Variants in PID1 observed in about 807,000 individuals in gnomAD.
PID1 encodes the protein PTB-containing, cubilin and LRP1-interacting protein.
PID1 carries 10 observed loss-of-function variants against 19.1 expected under a neutral mutation model. The ratio of observed to expected loss-of-function variants is 0.52; its 90% CI spans 0.32 to 0.89. The LOEUF (loss-of-function observed/expected upper bound fraction) is 0.89, where lower values mean the gene tolerates loss of function less well. PID1 is among the 40% of genes least tolerant of loss of function. The pLI is 0.03. For missense variants in PID1, 248 were observed against 285.3 expected, an observed-to-expected ratio of 0.87 and a Z score of 0.94; for synonymous variants, 130 against 116.0, an observed-to-expected ratio of 1.12 and a Z score of -0.78.
At chr2:229,089,948 C>T (rs1694838234) in intron 2 of PID1, among the ~76,000 whole-genome samples, 1 of 152,126 alleles carries the variant, frequency 6.6e-6, no homozygotes, top group South Asian at 2.1e-4. Context: ...ATGATTGTGG[C>T]CTGTGGTTTT....
At chr2:229,252,611 A>T (rs1436793500) in intron 1 of PID1, among the ~76,000 whole-genome samples, 2 of 152,182 alleles carry the variant, frequency 1.3e-5, no homozygotes, top group Non-Finnish European at 2.9e-5. Context: ...GAGGAGACAT[A>T]AATTAGTAGG....
At chr2:229,228,115 A>C in intron 1 of PID1, 1 of 449,500 alleles carries the variant, frequency 2.2e-6, no homozygotes, top group Non-Finnish European at 4.5e-6. Flanking sequence ...ACCAAATCCA[A>C]GAGAATCGAG....
chr2:229,112,911 A>C (rs906079862), intron 2 of PID1, among the ~76,000 whole-genome samples: 2 of 152,130 alleles, frequency 1.3e-5, no homozygotes, highest in African/African-American at 4.8e-5. Context: ...GTCATGAACA[A>C]TGTTTTCATT....
chr2:229,123,986 G>A (rs1164086550), intron 2 of PID1, among the ~76,000 whole-genome samples: 1 of 152,102 alleles, frequency 6.6e-6, no homozygotes, highest in Non-Finnish European at 1.5e-5. Flanking sequence ...GCTGGGTAAT[G>A]AACCTGCTTT....
chr2:229,135,334 T>C (rs186137754), intron 2 of PID1, among the ~76,000 whole-genome samples: 180 of 152,304 alleles, frequency 1.2e-3, no homozygotes, highest in African/African-American at 4.0e-3. Context: ...TGAAATGGCA[T>C]GTAAAAGTAA....
At chr2:229,057,122 C>A (rs1446985205) in intron 2 of PID1, among the ~76,000 whole-genome samples, 1 of 151,946 alleles carries the variant, frequency 6.6e-6, no homozygotes, top group African/African-American at 2.4e-5. Flanking sequence ...TCCACAACAA[C>A]CTAGAAGAAC....
At chr2:229,073,773 G>A (rs542129658) in intron 2 of PID1, among the ~76,000 whole-genome samples, 1 of 152,254 alleles carries the variant, frequency 6.6e-6, no homozygotes, top group Non-Finnish European at 1.5e-5. Flanking sequence ...TTCTCATTTA[G>A]GGCAATTATG....
At chr2:229,102,706 A>G (rs1695098328) in intron 2 of PID1, among the ~76,000 whole-genome samples, 1 of 152,204 alleles carries the variant, frequency 6.6e-6, no homozygotes, top group East Asian at 1.9e-4. Flanking sequence ...AGGTCCTGTT[A>G]TAGATGGCAA....
At chr2:229,067,031 G>A (rs1194742878) in intron 2 of PID1, among the ~76,000 whole-genome samples, 1 of 152,172 alleles carries the variant, frequency 6.6e-6, no homozygotes, top group African/African-American at 2.4e-5. Flanking sequence ...TTGATTCACA[G>A]TTCTGCAGGG....
chr2:229,085,846 G>A (rs1312124031), intron 2 of PID1, among the ~76,000 whole-genome samples: 2 of 152,074 alleles, frequency 1.3e-5, no homozygotes, highest in African/African-American at 2.4e-5. Flanking sequence ...ACTTGAAACT[G>A]CTGGGAGCAT....
chr2:229,238,052 T>G (rs1267206480), intron 1 of PID1, among the ~76,000 whole-genome samples: 1 of 152,232 alleles, frequency 6.6e-6, no homozygotes. Context: ...TGTTAAAATA[T>G]GACCCCATTA....
chr2:229,044,889 T>A (rs549557022), intron 2 of PID1, among the ~76,000 whole-genome samples: 1 of 152,298 alleles, frequency 6.6e-6, no homozygotes, highest in South Asian at 2.1e-4. Context: ...TAATTCTCCT[T>A]AACGTCCAAC....
chr2:229,048,794 G>C (rs983981305), intron 2 of PID1, among the ~76,000 whole-genome samples: 11 of 151,990 alleles, frequency 7.2e-5, no homozygotes, highest in African/African-American at 2.7e-4. Context: ...TCCCAGACTC[G>C]AGTTTATGGA....
chr2:229,238,284 G>A (rs904702710), intron 1 of PID1, among the ~76,000 whole-genome samples: 14 of 152,080 alleles, frequency 9.2e-5, no homozygotes, highest in African/African-American at 2.9e-4. Flanking sequence ...GACTTCATTC[G>A]AGCATGAATT....
At chr2:229,154,170 T>G (rs777815040) in intron 2 of PID1, among the ~76,000 whole-genome samples, 1 of 152,130 alleles carries the variant, frequency 6.6e-6, no homozygotes, top group Non-Finnish European at 1.5e-5. Context: ...TTAAAATGAG[T>G]CACATAGCTC....
chr2:229,088,382 C>T (rs752245109), intron 2 of PID1, among the ~76,000 whole-genome samples: 13 of 151,518 alleles, frequency 8.6e-5, no homozygotes, highest in Non-Finnish European at 1.3e-4. Context: ...ATGAGGACAG[C>T]GTTTTCATAC....
At chr2:229,115,638 A>G (rs1695395679) in intron 2 of PID1, among the ~76,000 whole-genome samples, 1 of 152,196 alleles carries the variant, frequency 6.6e-6, no homozygotes, top group Middle Eastern at 3.4e-3. Context: ...TTTAGACTCC[A>G]CTCCATTCAT....
intron 1 of PID1, chr2:229,262,653 G>A (rs777197868): frequency 3.2e-6 from 5 of 1,549,480 alleles, no homozygotes; most frequent in Non-Finnish European, 4.4e-6. Flanking sequence ...AAACTGGGTA[G>A]CTTAAAACAA....
At chr2:229,260,316 A>G (rs1690422793) in intron 1 of PID1, among the ~76,000 whole-genome samples, 1 of 152,078 alleles carries the variant, frequency 6.6e-6, no homozygotes, top group Non-Finnish European at 1.5e-5. Context: ...CTCCCTCAAG[A>G]GGGAATGGGG....
Sources: allele counts gnomAD v4.1 joint callset (sites outside exome capture counted in the v4.1 genomes callset), GRCh38; gene constraint gnomAD v4.1.1; transcripts MANE v1.5; gene names NCBI Gene and HGNC (gene_info 2026-07-23, HGNC 2026-07-21).